The following AUTS2 variants were observed in gnomAD, a reference collection of about 807,000 sequenced individuals.
AUTS2 encodes activator of transcription and developmental regulator AUTS2, also known as autism susceptibility gene 2 protein.
AUTS2 carries 17 observed loss-of-function variants against 112.4 expected under a neutral mutation model. That is an observed-to-expected ratio of 0.15 (90% CI 0.10 to 0.23). AUTS2 has a LOEUF of 0.23. Among genes scored for constraint, AUTS2 ranks in the 10% least tolerant of loss-of-function variants. The pLI, the probability that AUTS2 is intolerant of heterozygous loss-of-function variation, is 1.00. For synonymous variants in AUTS2, 751 were observed against 702.7 expected (o/e 1.07, Z -1.09); for missense variants, 1,510 against 1,701.6 (o/e 0.89, Z 1.98).
In AUTS2 at chr7:70,766,548, C is replaced by T. The variant is rs1374548421; in HGVS notation, c.1689+214C>T. Among the ~76,000 whole-genome samples the T allele has an allele frequency of 6.6e-6, 1 of 152,196 alleles. No homozygotes were observed. The highest frequency in any genetic ancestry group is 1.9e-4 in the East Asian group (1 of 5,190). ...GAACTTCTTTCTAGGCAGTTGTATC[C>T]AGCACTGCGGGCGGAAATGATTCCA... On this transcript the variant is annotated intron_variant, in intron 9 of 18. Transcript: ENST00000342771. This position sits in a 1 kb window ranked among gnomAD's most constrained non-coding sequence, Gnocchi z 4.8.
At chr7:69,687,939 G>A (rs981046967) in intron 1 of AUTS2, among the ~76,000 whole-genome samples, 4 of 152,220 alleles carry the variant, frequency 2.6e-5, no homozygotes, top group African/African-American at 9.6e-5. Context: ...GACTATTTAT[G>A]TGTCAAATTA....
chr7:70,369,947 G>A (rs897549854), intron 4 of AUTS2, among the ~76,000 whole-genome samples: 2 of 152,056 alleles, frequency 1.3e-5, no homozygotes, highest in Non-Finnish European at 2.9e-5. Context: ...AGGAAGACTC[G>A]GATATGTTGG....
chr7:69,755,723 CACA>C (rs1787918519), intron 1 of AUTS2, among the ~76,000 whole-genome samples: 1 of 152,088 alleles, frequency 6.6e-6, no homozygotes, highest in Admixed American at 6.6e-5. Flanking sequence ...GAGATGAATG[CACA>C]GGGCAGAATA....
At chr7:69,898,213 T>A (rs182063070) in intron 1 of AUTS2, among the ~76,000 whole-genome samples, 1 of 152,048 alleles carries the variant, frequency 6.6e-6, no homozygotes, top group Admixed American at 6.5e-5. Flanking sequence ...AATGAAAAAA[T>A]TTTTAAAAAG....
chr7:70,542,942 A>T (rs1469115221), intron 5 of AUTS2, among the ~76,000 whole-genome samples: 1 of 152,204 alleles, frequency 6.6e-6, no homozygotes, highest in Non-Finnish European at 1.5e-5. Context: ...TGAAAAAAAT[A>T]GATTCAGTTC....
At chr7:70,490,686 A>G (rs1003623651) in intron 5 of AUTS2, among the ~76,000 whole-genome samples, 1 of 152,148 alleles carries the variant, frequency 6.6e-6, no homozygotes, top group East Asian at 1.9e-4. Flanking sequence ...ATCGTTGAGC[A>G]TTGGCCAGTA....
At chr7:70,245,558 T>G (rs1812880210) in intron 4 of AUTS2, among the ~76,000 whole-genome samples, 1 of 152,232 alleles carries the variant, frequency 6.6e-6, no homozygotes, top group African/African-American at 2.4e-5. Flanking sequence ...ATTGACTGTG[T>G]TGTTGCACAT....
chr7:70,005,350 T>A (rs890802015), intron 2 of AUTS2, among the ~76,000 whole-genome samples: 1 of 152,092 alleles, frequency 6.6e-6, no homozygotes, highest in Non-Finnish European at 1.5e-5. Flanking sequence ...CTAAGCCCCT[T>A]GGGGGACAGG....
intron 1 of AUTS2, among the ~76,000 whole-genome samples, chr7:69,681,116 T>C (rs77499699): frequency 0.098 from 14,919 of 152,286 alleles, 1,151 homozygotes; most frequent in African/African-American, 0.21. Flanking sequence ...TACTGTTCCA[T>C]TGAATGTATA....
chr7:70,270,547 G>A (rs145141495), intron 4 of AUTS2, among the ~76,000 whole-genome samples: 2 of 152,248 alleles, frequency 1.3e-5, no homozygotes, highest in African/African-American at 2.4e-5. Context: ...TAAGGAGTTT[G>A]GACTTAATCC....
At chr7:70,197,661 CTA>C (rs1810263283) in intron 4 of AUTS2, among the ~76,000 whole-genome samples, 1 of 28,632 alleles carries the variant, frequency 3.5e-5, no homozygotes, top group African/African-American at 1.5e-4. Context: ...CACCACGAGA[CTA>C]TATCCCACAC....
At chr7:70,648,675 C>G (rs749727910) in intron 5 of AUTS2, among the ~76,000 whole-genome samples, 7 of 152,116 alleles carry the variant, frequency 4.6e-5, no homozygotes, top group Non-Finnish European at 8.8e-5. Context: ...TCCGCCTCCC[C>G]CTTTCAAGCA....
chr7:70,384,009 C>T (rs960840343), intron 4 of AUTS2, among the ~76,000 whole-genome samples: 2 of 152,180 alleles, frequency 1.3e-5, no homozygotes, highest in African/African-American at 4.8e-5. Context: ...CGATTAGCAG[C>T]CTATGCTAGT....
chr7:70,360,921 C>T (rs896595722), intron 4 of AUTS2, among the ~76,000 whole-genome samples: 1 of 152,204 alleles, frequency 6.6e-6, no homozygotes, highest in Non-Finnish European at 1.5e-5. Flanking sequence ...CAAAAGTCCT[C>T]TCTCTATAAG....
chr7:69,771,908 C>T (rs1456392176), intron 1 of AUTS2, among the ~76,000 whole-genome samples: 1 of 151,894 alleles, frequency 6.6e-6, no homozygotes, highest in Non-Finnish European at 1.5e-5. Context: ...TCTCAGCCTC[C>T]CGAGTAGCTG....
At position 69,981,501 on chromosome 7, in the gene AUTS2, A is replaced by G. The variant is rs1798292906; in HGVS notation, c.522+82003A>G. Among the ~76,000 whole-genome samples, 4 of 152,220 alleles carry G rather than the reference A, an allele frequency of 2.6e-5. 1 individual carries two copies. The South Asian group carries it at 8.3e-4, about 32-fold the overall frequency. On this transcript the variant is annotated intron_variant, in intron 2 of 18. Transcript: ENST00000342771. ...TTAATTTCTAATGTTAATACCTAAT[A>G]TACATAGATATAATCAATATGATCA...
At position 69,827,324 on chromosome 7, in the gene AUTS2, C is replaced by T. The variant is rs182613458; in HGVS notation, c.310-71962C>T. Among the ~76,000 whole-genome samples, 180 of 152,240 alleles carry T rather than the reference C, an allele frequency of 1.2e-3. 2 individuals are homozygous for T. The highest frequency in any genetic ancestry group is 4.0e-3 in the African/African-American group (167 of 41,530). ...CAGTCAGAGTTAAGGATCTCAAACTCAGGAAAGTGGTTTTTGTACTCAAGA... is the reference window on the plus strand; with the variant it reads ...CAGTCAGAGTTAAGGATCTCAAACTTAGGAAAGTGGTTTTTGTACTCAAGA... On this transcript the variant is annotated intron_variant, in intron 1 of 18. Coordinates refer to ENST00000342771, the MANE Select transcript of AUTS2 (RefSeq NM_015570.4).
chr7:69,956,490 C>T (rs1299162061), intron 2 of AUTS2, among the ~76,000 whole-genome samples: 1 of 152,126 alleles, frequency 6.6e-6, no homozygotes, highest in East Asian at 1.9e-4. Context: ...GCGGTTGAAA[C>T]AGTGCTATAG....
At chr7:69,980,315 T>A (rs1389585975) in intron 2 of AUTS2, among the ~76,000 whole-genome samples, 1 of 152,168 alleles carries the variant, frequency 6.6e-6, no homozygotes, top group Non-Finnish European at 1.5e-5. Context: ...AAAGAGTAAG[T>A]GGGAGGATCT....
Sources: allele counts gnomAD v4.1 joint callset (sites outside exome capture counted in the v4.1 genomes callset), GRCh38; gene constraint gnomAD v4.1.1; non-coding constraint Gnocchi (gnomAD v3.1); transcripts MANE v1.5; gene names NCBI Gene and HGNC (gene_info 2026-07-23, HGNC 2026-07-21).